The following MYOF variants were observed in gnomAD, a reference collection of about 807,000 sequenced individuals.
MYOF encodes fer-1-like 3, myoferlin.
A neutral mutation model predicts 284.2 loss-of-function variants in MYOF; 244 were observed. The ratio of observed to expected loss-of-function variants is 0.86; its 90% CI spans 0.77 to 0.95. The LOEUF is 0.95. Ranked by LOEUF, MYOF falls within the 40% of genes least tolerant of loss-of-function variation. MYOF has a pLI of 0.00. For synonymous variants in MYOF, 904 were observed against 919.7 expected (o/e 0.98, Z 0.31); for missense variants, 2,496 against 2,560.6 (o/e 0.97, Z 0.54).
At chr10:93,316,548 G>C (rs1401525888) in intron 50 of MYOF, among the ~76,000 whole-genome samples, 166 bp downstream of exon 50, 1 of 152,096 alleles carries the variant, frequency 6.6e-6, no homozygotes, top group African/African-American at 2.4e-5. Context: ...CTGTCAGGCT[G>C]CACTGCCAAG....
At chr10:93,365,746 T>A (rs1845295446) in intron 26 of MYOF, among the ~76,000 whole-genome samples, 2 of 152,190 alleles carry the variant, frequency 1.3e-5, no homozygotes, top group African/African-American at 4.8e-5. Flanking sequence ...TGTTATGGGC[T>A]ATCTTCTCAA....
intron 16 of MYOF, 130 bp from the exon 17 acceptor site, chr10:93,393,085 C>T: frequency 2.6e-6 from 2 of 770,080 alleles, no homozygotes; most frequent in Non-Finnish European, 4.5e-6. Flanking sequence ...AAATTCAGAC[C>T]CAAGTCACAT....
chr10:93,313,003 C>A lies in MYOF; in HGVS notation c.5889+17G>T. On this transcript the variant is annotated intron_variant, in intron 51 of 53. Coordinates refer to ENST00000359263, the MANE Select transcript of MYOF (RefSeq NM_013451.4). Reference sequence around the variant, plus strand: ...AGGCATAAACGATTTTCAACCAGAACCAGGAAATGTTCATACAGCCATTAC... The same window carrying A: ...AGGCATAAACGATTTTCAACCAGAAACAGGAAATGTTCATACAGCCATTAC... 1 of 1,587,450 alleles carries A rather than the reference C, an allele frequency of 6.3e-7. No individual in the cohort carries two copies. The highest frequency in any genetic ancestry group is 8.6e-7 in the Non-Finnish European group (1 of 1,166,758).
rs572283760 is a variant in MYOF at position 93,437,639 on chromosome 10, G to A, written c.237-6123C>T. Among the ~76,000 whole-genome samples, 41 of 152,324 alleles carry A rather than the reference G, an allele frequency of 2.7e-4. No individual in the cohort carries two copies. In the South Asian group the frequency reaches 8.5e-3, roughly 32 times the overall value. ...GAACAGCAATCCCAACCTGACTGGG[G>A]ACAAACACGATTCCAGGCTGCTCCT... is the stretch of plus-strand genomic sequence containing the variant. On this transcript the variant is annotated intron_variant, in intron 3 of 53. Transcript: ENST00000359263.
Position 93,355,659 on chromosome 10 carries a change from T to C in MYOF, c.3372A>G (p.Ala1124=). The C allele has an allele frequency of 1.9e-6, 3 of 1,610,946 alleles. No individual in the cohort carries two copies. Among genetic ancestry groups the C allele is most frequent in the Non-Finnish European group, 2.5e-6 (3 of 1,177,900 alleles). The change falls in exon 31 of 54, where the codon GCA becomes GCG. Residue 1124 remains alanine, a synonymous_variant. Coordinates refer to ENST00000359263, the MANE Select transcript of MYOF (RefSeq NM_013451.4). Reference sequence around the variant, plus strand: ...AATTGCAGGAAACAATGGGGGTGTTTGCTCCGAACACAGTGGTGGCACTGT... The same window carrying C: ...AATTGCAGGAAACAATGGGGGTGTTCGCTCCGAACACAGTGGTGGCACTGT... The part of the protein sequence containing the change: ...QKHSATTVFG[A]NTPIVSCNFD...
rs2133909461 is a variant in MYOF, at chr10:93,356,613, T to G, written c.3294+62A>C. 3.3e-6 allele frequency: 5 copies of G among 1,536,700 alleles called. No homozygotes were observed. In the South Asian group the frequency reaches 6.3e-5, roughly 19 times the overall value. ...CCTCTATGGAGTTGGCAGTGCTGTA[T>G]CCAACACTCATATATTTTCTCTACA... On this transcript the variant is annotated intron_variant, in intron 30 of 53. Transcript: ENST00000359263.
At position 93,402,871 on chromosome 10, in the gene MYOF, T is replaced by C. The variant is rs754986247; in HGVS notation, c.863A>G (p.Tyr288Cys). The C allele has an allele frequency of 6.2e-7, 1 of 1,611,928 alleles. No individual in the cohort carries two copies. Among genetic ancestry groups the C allele is most frequent in the Non-Finnish European group, 8.5e-7 (1 of 1,178,146 alleles). The change falls in exon 10 of 54, where the codon TAT becomes TGT. Residue 288 changes from tyrosine (Y) to cysteine (C), a missense_variant. Physicochemically the swap from Tyr to Cys is radical, Grantham distance 194. Coordinates refer to ENST00000359263, the MANE Select transcript of MYOF (RefSeq NM_013451.4). ...AGAACATTACTTACCAGGTTCATCA[T>C]AAACAAATCCAACATCAATCTGGGA... is the stretch of plus-strand genomic sequence containing the variant. The part of the protein sequence containing the change: ...GEFKIDVGFV[Y>C]DEPGHAVMRK...
chr10:93,360,903 A>G (rs1845037601), intron 28 of MYOF, among the ~76,000 whole-genome samples: 1 of 152,168 alleles, frequency 6.6e-6, no homozygotes, highest in Non-Finnish European at 1.5e-5. Flanking sequence ...AAACCTGACC[A>G]GTTGGCCCCA....
chr10:93,433,285 G>A (rs946200909), intron 3 of MYOF, among the ~76,000 whole-genome samples: 2 of 152,084 alleles, frequency 1.3e-5, no homozygotes, highest in Admixed American at 6.6e-5. Flanking sequence ...AGCCCCTCGA[G>A]TAGCTGGGAT....
intron 5 of MYOF, among the ~76,000 whole-genome samples, chr10:93,422,938 AG>A (rs1156987374): frequency 6.6e-6 from 1 of 152,154 alleles, no homozygotes; most frequent in Non-Finnish European, 1.5e-5. Flanking sequence ...GCCTGGCAGA[AG>A]GGGTAACACA....
Position 93,333,233 on chromosome 10 carries a change from G to A in MYOF, c.4799C>T (p.Pro1600Leu), listed in dbSNP as rs1410073445. ...RDHYIPNTLN[P>L]VFGRMYELSC... Reference sequence around the variant, plus strand: ...GAATGTATATTACCTGCCAAAGACTGGGTTGAGAGTGTTGGGAATGTAGTG... The same window carrying A: ...GAATGTATATTACCTGCCAAAGACTAGGTTGAGAGTGTTGGGAATGTAGTG... Residue 1600 changes from proline to leucine, a missense_variant, in exon 43 of 54, where the codon CCA becomes CTA. By Grantham distance (98) the Pro-to-Leu change is moderately conservative. Coordinates refer to ENST00000359263, the MANE Select transcript of MYOF (RefSeq NM_013451.4). The A allele has an allele frequency of 6.2e-7, 1 of 1,613,798 alleles. No homozygotes were observed. The highest frequency in any genetic ancestry group is 8.5e-7 in the Non-Finnish European group (1 of 1,179,788).
intron 25 of MYOF, 120 bp from the exon 26 acceptor site, chr10:93,366,675 C>A: frequency 1.2e-6 from 1 of 815,258 alleles, no homozygotes; most frequent in Middle Eastern, 2.9e-4. Flanking sequence ...CAGAAAAAAG[C>A]TTTATGCTCA....
intron 21 of MYOF, among the ~76,000 whole-genome samples, chr10:93,378,849 A>T (rs1845983521): frequency 6.6e-6 from 1 of 151,390 alleles, no homozygotes; most frequent in Admixed American, 6.6e-5. Flanking sequence ...AGTAGCTGGG[A>T]TTATAGGCTC....
intron 3 of MYOF, among the ~76,000 whole-genome samples, chr10:93,438,609 A>T (rs2056145030): frequency 6.6e-6 from 1 of 152,130 alleles, no homozygotes; most frequent in Non-Finnish European, 1.5e-5. Context: ...CTTAATACCC[A>T]GGAAGTCCGA....
chr10:93,402,578 G>A (rs1847349508), intron 10 of MYOF, among the ~76,000 whole-genome samples: 1 of 149,448 alleles, frequency 6.7e-6, no homozygotes, highest in Non-Finnish European at 1.5e-5. Context: ...TTGTACCAAC[G>A]AGTTTTATAA....
chr10:93,403,865 G>A (rs1847416826), intron 9 of MYOF, among the ~76,000 whole-genome samples, 158 bp downstream of exon 9: 1 of 152,114 alleles, frequency 6.6e-6, no homozygotes, highest in Admixed American at 6.5e-5. Context: ...TTATACTTTG[G>A]AAATAGACAA....
intron 50 of MYOF, among the ~76,000 whole-genome samples, chr10:93,315,846 C>G (rs774760346): frequency 6.6e-6 from 1 of 151,750 alleles, no homozygotes; most frequent in Non-Finnish European, 1.5e-5. Context: ...GGAGGCTGGG[C>G]GCTGTGGCTT....
At chr10:93,414,754 G>T (rs951968006) in intron 5 of MYOF, among the ~76,000 whole-genome samples, 4 of 151,848 alleles carry the variant, frequency 2.6e-5, no homozygotes, top group South Asian at 4.2e-4. Flanking sequence ...TTGTTTGTTT[G>T]TTTTTTTGAG....
Position 93,359,882 on chromosome 10 carries a change from A to G in MYOF, c.3071T>C (p.Val1024Ala), listed in dbSNP as rs1844987279. The change falls in exon 29 of 54, where the codon GTC (valine) becomes GCC (alanine). Residue 1024 changes from valine (V) to alanine (A), a missense_variant. By Grantham distance (64) the Val-to-Ala change is moderately conservative (BLOSUM62 0). This residue lies in a region of MYOF where 2,436 missense variants were observed against 2,480.7 expected (regional missense o/e 0.98). Transcript: ENST00000359263. ...TGTTAAATCTTTCTTGCGTTTTCGG[A>G]CCAGCCTTCGCCGTCTATGAGTGTG... The part of the protein sequence containing the change: ...MYHTHRRRRL[V>A]RKRKKDLTQT... The G allele has an allele frequency of 4.3e-6, 7 of 1,614,126 alleles. No individual in the cohort carries two copies. In the South Asian group the frequency reaches 7.7e-5, roughly 18 times the overall value.
Sources: gnomAD v4.1 joint callset for allele counts (sites outside exome capture counted in the v4.1 genomes callset) on GRCh38, gnomAD v4.1.1 for gene constraint, gnomAD v4.1.1 regional missense constraint, MANE v1.5 for transcripts, NCBI Gene and HGNC (gene_info 2026-07-23, HGNC 2026-07-21) for gene names.